Variants in RALGPS2 observed in about 807,000 individuals in gnomAD.
RALGPS2 encodes the protein ras-specific guanine nucleotide-releasing factor RalGPS2.
Under a neutral mutation model 86.8 loss-of-function variants are expected in RALGPS2, and 43 were observed. The ratio of observed to expected loss-of-function variants is 0.50; its 90% CI spans 0.39 to 0.64. The LOEUF is 0.64. RALGPS2 is among the 30% of genes least tolerant of loss of function. The pLI, the probability that RALGPS2 is intolerant of heterozygous loss-of-function variation, is 0.00. For missense variants in RALGPS2, 536 were observed against 694.6 expected, an observed-to-expected ratio of 0.77 and a Z score of 2.57; for synonymous variants, 243 against 231.3, an observed-to-expected ratio of 1.05 and a Z score of -0.46.
intron 1 of RALGPS2, among the ~76,000 whole-genome samples, chr1:178,756,754 G>A (rs113512074): frequency 0.025 from 3,772 of 152,160 alleles, 153 homozygotes; most frequent in African/African-American, 0.086. Context: ...GAGCAGTGTG[G>A]CCATTTTAAT....
chr1:178,865,078 C>T (rs1309780963), intron 8 of RALGPS2: 3 of 1,526,704 alleles, frequency 2.0e-6, no homozygotes, highest in Non-Finnish European at 2.6e-6. Context: ...TACCTCCCAG[C>T]AGACCAGGAG....
intron 19 of RALGPS2, among the ~76,000 whole-genome samples, chr1:178,913,426 A>G (rs1177877867): frequency 2.0e-5 from 3 of 152,244 alleles, no homozygotes; most frequent in East Asian, 1.9e-4. Context: ...ACTGGGTTTC[A>G]CTTTTTCCTG....
intron 8 of RALGPS2, among the ~76,000 whole-genome samples, chr1:178,858,240 G>A (rs1387036233): frequency 2.0e-5 from 3 of 151,924 alleles, no homozygotes; most frequent in South Asian, 2.1e-4. Flanking sequence ...GTTGATCCTA[G>A]CAGAAATATT....
rs749750981 is a variant in RALGPS2 at position 178,893,968 on chromosome 1, A to G, written c.1375A>G (p.Thr459Ala). ...LAVHLYPGAV[T>A]IQGVLRRKTL... ...AGTACATTTATATCCAGGAGCTGTT[A>G]CTATTCAAGGTGTTCTCAGGAGAAA... Residue 459 changes from threonine (T) to alanine (A), a missense_variant, in exon 16 of 20, where the codon ACT becomes GCT. Thr to Ala is a moderately conservative substitution (Grantham distance 58). This residue lies in a region of RALGPS2 where 309 missense variants were observed against 363.0 expected (regional missense o/e 0.85). Coordinates refer to ENST00000367635, the MANE Select transcript of RALGPS2 (RefSeq NM_152663.5). The G allele has an allele frequency of 3.1e-6, 5 of 1,609,370 alleles. No individual in the cohort carries two copies. In the South Asian group the frequency reaches 5.5e-5, roughly 18 times the overall value.
intron 6 of RALGPS2, among the ~76,000 whole-genome samples, chr1:178,819,083 G>T (rs1655374008): frequency 6.6e-6 from 1 of 151,434 alleles, no homozygotes; most frequent in African/African-American, 2.4e-5. Context: ...GTGCCTCCTG[G>T]GCTCAAGCAG....
Position 178,752,287 on chromosome 1 carries a change from G to T in RALGPS2, c.-83-24395G>T, listed in dbSNP as rs536987193. On this transcript the variant is annotated intron_variant, in intron 1 of 19. Coordinates refer to ENST00000367635, the MANE Select transcript of RALGPS2 (RefSeq NM_152663.5). ...AGTAGCTGGGACTATGGGACTATAG[G>T]CATGAACCACCATGCCCAGCTAATT... 3.3e-5 allele frequency among the ~76,000 whole-genome samples: 5 copies of T among 151,404 alleles called. No homozygotes were observed. The East Asian group carries it at 9.7e-4, about 29-fold the overall frequency.
chr1:178,826,567 G>T (rs1293743449), intron 7 of RALGPS2, among the ~76,000 whole-genome samples: 1 of 152,094 alleles, frequency 6.6e-6, no homozygotes, highest in Non-Finnish European at 1.5e-5. Context: ...AATGGGATTT[G>T]GGAGTTATTA....
intron 4 of RALGPS2, among the ~76,000 whole-genome samples, chr1:178,786,308 G>A (rs776123145): frequency 6.6e-6 from 1 of 152,040 alleles, no homozygotes; most frequent in African/African-American, 2.4e-5. Flanking sequence ...TTGCTTTGAA[G>A]CTTTTTAATG....
chr1:178,793,922 T>C (rs1400771618), intron 4 of RALGPS2, among the ~76,000 whole-genome samples: 1 of 152,186 alleles, frequency 6.6e-6, no homozygotes, highest in African/African-American at 2.4e-5. Flanking sequence ...GTATGAATTT[T>C]CCAATGCTGA....
intron 10 of RALGPS2, among the ~76,000 whole-genome samples, chr1:178,882,535 T>C (rs1271994944): frequency 6.6e-6 from 1 of 152,244 alleles, no homozygotes; most frequent in Non-Finnish European, 1.5e-5. Context: ...TAACCTACAG[T>C]AGATTTATCA....
intron 18 of RALGPS2, 70 bp from the exon 19 acceptor site, chr1:178,906,706 T>A: frequency 7.9e-7 from 1 of 1,259,590 alleles, no homozygotes; most frequent in Non-Finnish European, 1.1e-6. Flanking sequence ...TTGCTCATTA[T>A]TATCTGGCAG....
At position 178,879,215 on chromosome 1, in the gene RALGPS2, T is replaced by C. The variant is rs936526338; in HGVS notation, c.836+223T>C. On this transcript the variant is annotated intron_variant, in intron 10 of 19. Coordinates refer to ENST00000367635, the MANE Select transcript of RALGPS2 (RefSeq NM_152663.5). Reference sequence around the variant, plus strand: ...TTCTTTTTAATATTTTATCTCTGTTTGTAGAGAGCTAACGTTTGATAGTTC... The same window carrying C: ...TTCTTTTTAATATTTTATCTCTGTTCGTAGAGAGCTAACGTTTGATAGTTC... The C allele has an allele frequency of 1.6e-5, 7 of 445,148 alleles. No homozygotes were observed. The Admixed American group carries it at 2.4e-4, about 15-fold the overall frequency. 27.6% of individuals were successfully genotyped at this position (445,148 alleles called of 1,614,324 possible).
At chr1:178,879,800 A>AG (rs1659160159) in intron 10 of RALGPS2, 1 of 152,074 alleles carries the variant, frequency 6.6e-6, no homozygotes, top group Non-Finnish European at 1.5e-5. Context: ...AAAAAAAAAA[A>AG]AAAAAAAAAG....
intron 8 of RALGPS2, chr1:178,851,214 T>G (rs1657151574): frequency 6.2e-7 from 1 of 1,613,918 alleles, no homozygotes; most frequent in Non-Finnish European, 8.5e-7. Flanking sequence ...TCCATCTTGG[T>G]GCTTGCTTCT....
rs1383560851 is a variant in RALGPS2, at chr1:178,811,381, A to G, written c.364A>G (p.Ser122Gly). 4.1e-5 allele frequency: 64 copies of G among 1,551,284 alleles called. No individual in the cohort carries two copies. The highest frequency in any genetic ancestry group is 5.4e-5 in the Non-Finnish European group (62 of 1,158,708). ...QTLKIRAEVLSHYIKTAKKLY... is the reference protein window; with the variant it reads ...QTLKIRAEVLGHYIKTAKKLY... ...ATTAAAAATTAGAGCAGAAGTTTTG[A>G]GCCACTATATTAAAACTGCTAAGGT... Residue 122 changes from serine to glycine, a missense_variant, in exon 6 of 20, where the codon AGC (serine) becomes GGC (glycine). Around this residue, in one of 3 missense-constraint regions of RALGPS2, gnomAD observed 184 missense variants for 296.7 expected, o/e 0.62. Transcript: ENST00000367635.
At chr1:178,873,631 A>C (rs1658866126) in intron 8 of RALGPS2, among the ~76,000 whole-genome samples, 1 of 152,270 alleles carries the variant, frequency 6.6e-6, no homozygotes, top group South Asian at 2.1e-4. Context: ...AATTTTGTAC[A>C]TGTGTACTGG....
At chr1:178,743,642 T>A (rs1200436997) in intron 1 of RALGPS2, among the ~76,000 whole-genome samples, 2 of 152,158 alleles carry the variant, frequency 1.3e-5, no homozygotes, top group East Asian at 3.8e-4. Flanking sequence ...CTGTGCTGAT[T>A]GAGATCAGGA....
intron 4 of RALGPS2, 89 bp downstream of exon 4, chr1:178,785,696 T>G (rs1558118632): frequency 2.1e-6 from 3 of 1,446,412 alleles, no homozygotes; most frequent in Admixed American, 2.4e-5. Context: ...ATACTTCATA[T>G]TAATTTTAAA....
intron 1 of RALGPS2, among the ~76,000 whole-genome samples, chr1:178,735,598 A>ATTTTT (rs1250223641): frequency 1.7e-5 from 1 of 57,474 alleles, no homozygotes; most frequent in African/African-American, 8.6e-5. Context: ...TAATTTTTGT[A>ATTTTT]TTCTTTTTTT....
Sources: gnomAD v4.1 joint callset for allele counts (sites outside exome capture counted in the v4.1 genomes callset) on GRCh38, gnomAD v4.1.1 for gene constraint, gnomAD v4.1.1 regional missense constraint, MANE v1.5 for transcripts, NCBI Gene and HGNC (gene_info 2026-07-23, HGNC 2026-07-21) for gene names.